Variants in OR2L13 observed in about 807,000 individuals in gnomAD.
OR2L13 encodes olfactory receptor 2L13.
In OR2L13, 14 loss-of-function variants were observed where a neutral mutation model predicts 15.3. That is an observed-to-expected ratio of 0.91 (90% CI 0.60 to 1.43). OR2L13 has a LOEUF of 1.43. OR2L13 is among the 40% of genes most tolerant of loss of function. OR2L13 has a pLI of 0.00. For missense variants in OR2L13, 367 were observed against 387.9 expected, an observed-to-expected ratio of 0.95 and a Z score of 0.45; for synonymous variants, 152 against 142.9, an observed-to-expected ratio of 1.06 and a Z score of -0.45.
chr1:247,946,061 G>C, the OR2L13 span, among the ~76,000 whole-genome samples: 1 of 152,134 alleles, frequency 6.6e-6, no homozygotes, highest in East Asian at 1.9e-4. Context: ...AGTGTGTAAA[G>C]TTTTCACCTC....
chr1:248,089,301 G>C, the OR2L13 span, among the ~76,000 whole-genome samples: 1 of 152,142 alleles, frequency 6.6e-6, no homozygotes, highest in Non-Finnish European at 1.5e-5. Flanking sequence ...CACCCTCTGG[G>C]CAAGGAAATG....
upstream of OR2L13, among the ~76,000 whole-genome samples, chr1:248,096,152 G>A (rs1037835366): frequency 6.6e-6 from 1 of 151,952 alleles, no homozygotes; most frequent in Non-Finnish European, 1.5e-5. Context: ...GCCGAGGTGG[G>A]CAGATCACGA....
the OR2L13 span, among the ~76,000 whole-genome samples, chr1:248,064,225 G>A: frequency 2.6e-5 from 4 of 152,140 alleles, no homozygotes; most frequent in Non-Finnish European, 4.4e-5. Flanking sequence ...GAAATGATTA[G>A]GTCATGAGGA....
At chr1:248,071,338 A>G in the OR2L13 span, among the ~76,000 whole-genome samples, 1 of 152,104 alleles carries the variant, frequency 6.6e-6, no homozygotes, top group Non-Finnish European at 1.5e-5. Flanking sequence ...AAATCAATAA[A>G]TGTAATCCAG....
chr1:247,994,343 G>A, the OR2L13 span, among the ~76,000 whole-genome samples: 1 of 152,176 alleles, frequency 6.6e-6, no homozygotes, highest in African/African-American at 2.4e-5. Context: ...CTTGCAGTGA[G>A]CTGATATCGC....
chr1:247,999,484 G>T, the OR2L13 span, among the ~76,000 whole-genome samples: 2 of 152,094 alleles, frequency 1.3e-5, no homozygotes, highest in Admixed American at 6.5e-5. Flanking sequence ...AAGAGTTATG[G>T]TTCTCCAACT....
chr1:248,069,258 A>C, the OR2L13 span, among the ~76,000 whole-genome samples: 1 of 152,370 alleles, frequency 6.6e-6, no homozygotes, highest in East Asian at 1.9e-4. Flanking sequence ...GAAGCCCATC[A>C]GCCTAACAGT....
the OR2L13 span, among the ~76,000 whole-genome samples, chr1:248,002,496 T>C: frequency 5.9e-5 from 9 of 152,236 alleles, no homozygotes; most frequent in Non-Finnish European, 1.0e-4. Context: ...GACAGGCTTA[T>C]TTCACTTAGC....
the OR2L13 span, among the ~76,000 whole-genome samples, chr1:248,067,540 C>T: frequency 6.6e-6 from 1 of 152,202 alleles, no homozygotes; most frequent in Non-Finnish European, 1.5e-5. Flanking sequence ...AGGAACAGCT[C>T]CAGTCTACAG....
chr1:248,025,398 G>A, the OR2L13 span, among the ~76,000 whole-genome samples: 1 of 148,840 alleles, frequency 6.7e-6, no homozygotes. Flanking sequence ...ACCACAATGA[G>A]ATACCATCTC....
chr1:248,011,709 A>G, the OR2L13 span, among the ~76,000 whole-genome samples: 1 of 152,166 alleles, frequency 6.6e-6, no homozygotes, highest in Non-Finnish European at 1.5e-5. Flanking sequence ...CAGTATTATT[A>G]ACCATTAGCT....
the OR2L13 span, among the ~76,000 whole-genome samples, chr1:247,961,828 G>A: frequency 1.3e-5 from 2 of 152,182 alleles, no homozygotes; most frequent in Non-Finnish European, 1.5e-5. Flanking sequence ...GCAGAGCTCA[G>A]TATTACACAC....
chr1:248,033,784 A>G, the OR2L13 span, among the ~76,000 whole-genome samples: 2 of 152,030 alleles, frequency 1.3e-5, no homozygotes, highest in Non-Finnish European at 2.9e-5. Flanking sequence ...CTTTATACCA[A>G]TGTCATACTG....
At chr1:248,070,194 G>A in the OR2L13 span, among the ~76,000 whole-genome samples, 189 of 151,922 alleles carry the variant, frequency 1.2e-3, 3 homozygotes, top group African/African-American at 9.4e-4. Context: ...ACCACAACAC[G>A]CCTATTCCAA....
the OR2L13 span, among the ~76,000 whole-genome samples, chr1:248,076,659 A>G: frequency 4.6e-5 from 7 of 152,264 alleles, no homozygotes; most frequent in East Asian, 9.6e-4. Context: ...TTAATGATGT[A>G]TAGGAATCCT....
chr1:248,022,445 A>T, the OR2L13 span: 1 of 1,614,190 alleles, frequency 6.2e-7, no homozygotes, highest in South Asian at 1.1e-5. Context: ...TCCGTATCCC[A>T]TATTGCAAGT....
the OR2L13 span, among the ~76,000 whole-genome samples, chr1:248,007,304 A>G: frequency 0.037 from 5,661 of 152,238 alleles, 314 homozygotes; most frequent in African/African-American, 0.13. Flanking sequence ...CAGTGGAGAT[A>G]AAGAGGTCAT....
At chr1:248,070,738 T>C in the OR2L13 span, among the ~76,000 whole-genome samples, 1 of 151,588 alleles carries the variant, frequency 6.6e-6, no homozygotes, top group African/African-American at 2.4e-5. Context: ...GCAAGACTAA[T>C]AAAGAAGAAA....
the OR2L13 span, among the ~76,000 whole-genome samples, chr1:247,984,248 A>ATTATTATTATTATTATTG: frequency 1.3e-5 from 2 of 151,036 alleles, no homozygotes; most frequent in African/African-American, 4.9e-5. Flanking sequence ...TATTATTATT[A>ATTATTATTATTATTATTG]TTATTATTTT....
Sources: gnomAD v4.1 joint callset for allele counts (sites outside exome capture counted in the v4.1 genomes callset) on GRCh38, gnomAD v4.1.1 for gene constraint, MANE v1.5 for transcripts, NCBI Gene and HGNC (gene_info 2026-07-23, HGNC 2026-07-21) for gene names.